Variants in LYZL1 observed in about 807,000 individuals in gnomAD.
LYZL1 encodes lysozyme like 1.
LYZL1 carries 16 observed loss-of-function variants against 17.9 expected under a neutral mutation model. That is an observed-to-expected ratio of 0.90 (90% CI 0.61 to 1.36). LYZL1 has a LOEUF of 1.36. Among genes scored for constraint, LYZL1 ranks in the 40% most tolerant of loss-of-function variants. LYZL1 has a pLI of 0.00. For synonymous variants in LYZL1, 58 were observed against 71.8 expected, an observed-to-expected ratio of 0.81 and a Z score of 0.97; for missense variants, 149 against 188.4, an observed-to-expected ratio of 0.79 and a Z score of 1.22.
chr10:29,299,812 CT>C (rs1191176578), intron 3 of LYZL1, among the ~76,000 whole-genome samples: 1 of 152,142 alleles, frequency 6.6e-6, no homozygotes, highest in Non-Finnish European at 1.5e-5. Context: ...CCATCTGGGT[CT>C]TTATATTTAA....
chr10:29,311,485 A>G (rs1588664820), downstream of LYZL1, among the ~76,000 whole-genome samples: 1 of 152,096 alleles, frequency 6.6e-6, no homozygotes, highest in Non-Finnish European at 1.5e-5. Flanking sequence ...CCTTAAGAGT[A>G]CCCCAGAAGG....
Position 29,311,011 on chromosome 10 carries a change from T to A in LYZL1, c.399T>A (p.Cys133Ter). The A allele has an allele frequency of 6.2e-7, 1 of 1,614,158 alleles. No homozygotes were observed. The highest frequency in any genetic ancestry group is 8.5e-7 in the Non-Finnish European group (1 of 1,180,012). ...MNYWQGWKKH[C>*]EGRDLSEWKK... is the part of the protein sequence containing the mutation. ...TCAGGCAAGGCTGGAAGAAACATTG[T>A]GAGGGCAGAGACCTGTCCGAGTGGA... is the stretch of plus-strand genomic sequence containing the variant. The change falls in exon 5 of 5, where the codon TGT becomes TGA. Residue 133 changes from cysteine to a stop codon, truncating the protein, a stop_gained. Coordinates refer to ENST00000649382, the MANE Select transcript of LYZL1 (RefSeq NM_032517.6). LOFTEE classifies it high-confidence loss of function.
intron 4 of LYZL1, 45 bp from the exon 5 acceptor site, chr10:29,310,945 T>C: frequency 1.2e-6 from 2 of 1,614,070 alleles, no homozygotes; most frequent in Non-Finnish European, 1.7e-6. Flanking sequence ...ACGGTTTGGA[T>C]TGTCACGCTT....
intron 3 of LYZL1, among the ~76,000 whole-genome samples, chr10:29,294,524 T>A (rs922889186): frequency 6.6e-6 from 1 of 152,036 alleles, no homozygotes; most frequent in Non-Finnish European, 1.5e-5. Context: ...GCCTCTAGAG[T>A]GTAAGTCCCT....
At chr10:29,310,409 C>T (rs1835655097) in intron 4 of LYZL1, among the ~76,000 whole-genome samples, 1 of 151,636 alleles carries the variant, frequency 6.6e-6, no homozygotes, top group East Asian at 1.9e-4. Context: ...AGATAATTTG[C>T]AATTGCTTTT....
chr10:29,305,727 A>G lies in LYZL1; in HGVS notation c.299-4383A>G, dbSNP rs148154671. 2.6e-3 allele frequency among the ~76,000 whole-genome samples: 399 copies of G among 152,320 alleles called. 1 individual carries two copies. Among genetic ancestry groups the G allele is most frequent in the African/African-American group, 9.3e-3 (388 of 41,566 alleles). Reference sequence around the variant, plus strand: ...TTTCAATTGCTATCTCTTACTGATGATATATTTTGTCAGTTTTTCTCCTGG... The same window carrying G: ...TTTCAATTGCTATCTCTTACTGATGGTATATTTTGTCAGTTTTTCTCCTGG... On this transcript the variant is annotated intron_variant, in intron 3 of 4. Coordinates refer to ENST00000649382, the MANE Select transcript of LYZL1 (RefSeq NM_032517.6).
downstream of LYZL1, among the ~76,000 whole-genome samples, chr10:29,314,983 T>A (rs1835713302): frequency 6.6e-6 from 1 of 152,094 alleles, no homozygotes; most frequent in Non-Finnish European, 1.5e-5. Context: ...CACAGCCACT[T>A]CCTTGAGTGT....
At chr10:29,305,964 A>G (rs1835582971) in intron 3 of LYZL1, among the ~76,000 whole-genome samples, 2 of 152,224 alleles carry the variant, frequency 1.3e-5, no homozygotes, top group South Asian at 4.1e-4. Flanking sequence ...GAAATGCAAC[A>G]TTTTATGCTA....
intron 3 of LYZL1, among the ~76,000 whole-genome samples, chr10:29,296,549 A>T (rs1017328058): frequency 6.6e-6 from 1 of 152,162 alleles, no homozygotes; most frequent in Non-Finnish European, 1.5e-5. Context: ...TTTCCTCTAG[A>T]CGAGTAAAGT....
chr10:29,303,927 T>G (rs1835555368), intron 3 of LYZL1, among the ~76,000 whole-genome samples: 1 of 152,212 alleles, frequency 6.6e-6, no homozygotes, highest in African/African-American at 2.4e-5. Context: ...ATCTTTTTCT[T>G]CTTTTTGTTT....
chr10:29,306,515 A>C (rs1262085945), intron 3 of LYZL1, among the ~76,000 whole-genome samples: 2 of 119,826 alleles, frequency 1.7e-5, no homozygotes, highest in Non-Finnish European at 3.3e-5. Flanking sequence ...CCGCCACTGC[A>C]CTCCAGCCTG....
intron 3 of LYZL1, among the ~76,000 whole-genome samples, chr10:29,307,470 C>A (rs1210227276): frequency 6.6e-6 from 1 of 152,188 alleles, no homozygotes; most frequent in African/African-American, 2.4e-5. Flanking sequence ...GAATAATATT[C>A]CACTCTCTAT....
At chr10:29,305,894 G>C (rs548974841) in intron 3 of LYZL1, among the ~76,000 whole-genome samples, 22 of 152,312 alleles carry the variant, frequency 1.4e-4, no homozygotes, top group African/African-American at 5.3e-4. Flanking sequence ...TAGCATGCTC[G>C]AGGGAAAATT....
At position 29,299,121 on chromosome 10, in the gene LYZL1, C is replaced by G. The variant is rs143525956; in HGVS notation, c.298+6444C>G. ...TCAGTTCACAATAGGGTTCGCACTC[C>G]TATGAGAATCTAATGCTGCCACTGA... On this transcript the variant is annotated intron_variant, in intron 3 of 4. Transcript: ENST00000649382. Among the ~76,000 whole-genome samples, 56 of 152,240 alleles carry G rather than the reference C, an allele frequency of 3.7e-4. 1 individual carries two copies. The East Asian group carries it at 0.011, about 29-fold the overall frequency.
intron 3 of LYZL1, among the ~76,000 whole-genome samples, chr10:29,316,789 T>C (rs139091906): frequency 0.013 from 2,027 of 151,088 alleles, 31 homozygotes; most frequent in East Asian, 0.07. Flanking sequence ...TGATCTTGGC[T>C]CACTGCAGCC....
intron 3 of LYZL1, among the ~76,000 whole-genome samples, 198 bp downstream of exon 3, chr10:29,292,875 A>G (rs974209350): frequency 1.3e-5 from 2 of 152,208 alleles, no homozygotes; most frequent in Non-Finnish European, 1.5e-5. Flanking sequence ...AAGATGACTT[A>G]TTCCTTGTAG....
chr10:29,292,459 C>T (rs1835382360), intron 2 of LYZL1, 60 bp from the exon 3 acceptor site: 1 of 1,588,642 alleles, frequency 6.3e-7, no homozygotes, highest in Non-Finnish European at 8.6e-7. Flanking sequence ...CGCCCTCAGA[C>T]CAAGCTTAGA....
At chr10:29,309,857 C>T (rs905427621) in intron 3 of LYZL1, among the ~76,000 whole-genome samples, 2 of 152,182 alleles carry the variant, frequency 1.3e-5, no homozygotes, top group African/African-American at 4.8e-5. Context: ...AAACACATTT[C>T]CAAAAACCCT....
chr10:29,298,077 C>T (rs1026332350), intron 3 of LYZL1, among the ~76,000 whole-genome samples: 6 of 152,058 alleles, frequency 3.9e-5, no homozygotes, highest in African/African-American at 7.2e-5. Context: ...AGAATCCTGG[C>T]TGGAAGACAG....
Sources: allele counts gnomAD v4.1 joint callset (sites outside exome capture counted in the v4.1 genomes callset), GRCh38; gene constraint gnomAD v4.1.1; transcripts MANE v1.5; gene names NCBI Gene and HGNC (gene_info 2026-07-23, HGNC 2026-07-21).